OTUD4: variants seen among roughly 807,000 people sequenced by gnomAD.
OTUD4 encodes OTU deubiquitinase 4.
Under a neutral mutation model 130.4 loss-of-function variants are expected in OTUD4, and 24 were observed. The observed-to-expected ratio is 0.18, with a 90% CI of 0.13 to 0.26. The LOEUF is 0.26. OTUD4 is among the 10% of genes least tolerant of loss of function. The pLI is 1.00. For synonymous variants in OTUD4, 420 were observed against 472.5 expected (o/e 0.89, Z 1.44); for missense variants, 1,031 against 1,329.4 (o/e 0.78, Z 3.49).
Position 145,171,762 on chromosome 4 carries a change from T to C in OTUD4, c.244-42A>G, listed in dbSNP as rs535165676. On this transcript the variant is annotated intron_variant, in intron 2 of 20. Transcript: ENST00000447906. ...TATTAGAAATGTCATCTAACATATA[T>C]GCCAAAACAGTTAACCGCTTCGCTG... The C allele has an allele frequency of 1.0e-5, 9 of 892,946 alleles. No individual in the cohort carries two copies. In the Admixed American group the frequency reaches 1.1e-4, roughly 11 times the overall value. 55.3% of individuals were successfully genotyped at this position (892,946 alleles called of 1,614,324 possible). A position where few individuals can be genotyped will look rare whatever the true frequency, so the allele number is the denominator to read the frequency against.
intron 7 of OTUD4, 24 bp downstream of exon 7, chr4:145,159,479 G>C: frequency 6.2e-7 from 1 of 1,612,326 alleles, no homozygotes; most frequent in South Asian, 1.1e-5. Flanking sequence ...CACTAAGAAA[G>C]GTATTTTAGG....
chr4:145,167,508 AAC>A (rs1163538491), intron 3 of OTUD4, among the ~76,000 whole-genome samples: 1 of 152,244 alleles, frequency 6.6e-6, no homozygotes, highest in Non-Finnish European at 1.5e-5. Flanking sequence ...GTTTAGATCA[AAC>A]ACACGAGCTA....
At position 145,146,418 on chromosome 4, in the gene OTUD4, C is replaced by G; in HGVS notation, c.1271G>C (p.Arg424Pro). ...TPSQIIRKPD[R>P]ERVEDFDHTS... The stretch of plus-strand genomic sequence containing the variant: ...GTGATCAAAATCCTCAACTCTTTCA[C>G]GATCAGGTTTTCTGTCAAATAAAAC... Residue 424 changes from arginine (R) to proline (P), a missense_variant, in exon 14 of 21, where the codon CGT (arginine) becomes CCT (proline). Physicochemically the swap from Arg to Pro is moderately radical, Grantham distance 103 (BLOSUM62 -2). Around this residue, in one of 3 missense-constraint regions of OTUD4, gnomAD observed 900 missense variants for 1,095.9 expected, o/e 0.82. Coordinates refer to ENST00000447906, the MANE Select transcript of OTUD4 (RefSeq NM_001366057.1). 1.3e-6 allele frequency: 2 copies of G among 1,546,232 alleles called. No homozygotes were observed. The highest frequency in any genetic ancestry group is 1.7e-6 in the Non-Finnish European group (2 of 1,151,122).
At chr4:145,159,298 C>G (rs1751439569) in intron 7 of OTUD4, 3 of 1,369,888 alleles carry the variant, frequency 2.2e-6, no homozygotes, top group Non-Finnish European at 2.8e-6. Flanking sequence ...ACCAAAAACA[C>G]CAACTTTCAA....
chr4:145,168,497 T>C (rs984797933), intron 3 of OTUD4, among the ~76,000 whole-genome samples: 2 of 149,702 alleles, frequency 1.3e-5, no homozygotes, highest in African/African-American at 2.5e-5. Flanking sequence ...ACAGGACTTA[T>C]ATCCAGTATA....
intron 13 of OTUD4, 105 bp downstream of exon 13, chr4:145,150,408 T>C (rs1161301160): frequency 1.4e-6 from 1 of 714,818 alleles, no homozygotes; most frequent in Non-Finnish European, 2.4e-6. Flanking sequence ...ATAGGGACAA[T>C]GATATGAGTA....
intron 16 of OTUD4, 54 bp downstream of exon 16, chr4:145,143,892 A>T: frequency 8.1e-7 from 1 of 1,241,166 alleles, no homozygotes; most frequent in Non-Finnish European, 1.2e-6. Context: ...TTCCTACTGT[A>T]CTACACAGTA....
At chr4:145,152,728 T>C (rs936388977) in intron 10 of OTUD4, 93 bp from the exon 11 acceptor site, 14 of 710,838 alleles carry the variant, frequency 2.0e-5, no homozygotes, top group Admixed American at 1.1e-4. Flanking sequence ...CTTTTTTTTT[T>C]TTTCTTGAGA....
At chr4:145,157,143 A>G (rs954407828) in intron 7 of OTUD4, among the ~76,000 whole-genome samples, 6 of 152,244 alleles carry the variant, frequency 3.9e-5, no homozygotes, top group African/African-American at 1.4e-4. Context: ...ATCTGGTGAC[A>G]ACAGATAAAA....
intron 6 of OTUD4, among the ~76,000 whole-genome samples, chr4:145,161,141 C>CAACAACAACAAA (rs1554000128): frequency 5.3e-5 from 8 of 152,072 alleles, no homozygotes; most frequent in African/African-American, 1.7e-4. Context: ...ACAACAACAA[C>CAACAACAACAAA]AAACACTGGG....
chr4:145,158,314 CT>C (rs557676641), intron 7 of OTUD4, among the ~76,000 whole-genome samples: 402 of 152,210 alleles, frequency 2.6e-3, no homozygotes, highest in Non-Finnish European at 5.1e-3. Flanking sequence ...AACCCCATCT[CT>C]ACTAAAAGTA....
chr4:145,140,195 G>C (rs1750494406), intron 19 of OTUD4, among the ~76,000 whole-genome samples: 1 of 152,062 alleles, frequency 6.6e-6, no homozygotes, highest in Non-Finnish European at 1.5e-5. Flanking sequence ...GATTCAATAG[G>C]CTTTGTCTGT....
At chr4:145,178,675 T>G (rs1025184404) in intron 1 of OTUD4, 3 of 152,242 alleles carry the variant, frequency 2.0e-5, no homozygotes, top group African/African-American at 4.8e-5. Context: ...GTTAAATCAA[T>G]TTCTTGTTTT....
intron 11 of OTUD4, among the ~76,000 whole-genome samples, chr4:145,151,532 G>A (rs1315361045): frequency 1.3e-5 from 2 of 152,128 alleles, no homozygotes; most frequent in Non-Finnish European, 2.9e-5. Flanking sequence ...CTACTGGGGA[G>A]GCTGAGGCAG....
chr4:145,175,318 C>CA (rs11382941), intron 1 of OTUD4, among the ~76,000 whole-genome samples: 69,674 of 151,898 alleles, frequency 0.46, 16,172 homozygotes, highest in Middle Eastern at 0.5. Flanking sequence ...AAAGAACATC[C>CA]AAGTAGGCAG....
chr4:145,145,648 G>A (rs2126750369), intron 14 of OTUD4, among the ~76,000 whole-genome samples: 1 of 152,300 alleles, frequency 6.6e-6, no homozygotes, highest in South Asian at 2.1e-4. Flanking sequence ...TCCCAGACAT[G>A]AGAATGAATT....
chr4:145,145,968 A>G (rs1160014319), intron 14 of OTUD4: 10 of 183,502 alleles, frequency 5.4e-5, no homozygotes, highest in Non-Finnish European at 1.1e-4. Flanking sequence ...TCTACTACAC[A>G]GTACTTTTGC....
chr4:145,162,501 G>T (rs1751627404), intron 6 of OTUD4, 139 bp downstream of exon 6: 2 of 462,758 alleles, frequency 4.3e-6, no homozygotes, highest in Non-Finnish European at 7.8e-6. Flanking sequence ...GCAGTGAGCG[G>T]AGATCACGCC....
At position 145,137,496 on chromosome 4, in the gene OTUD4, C is replaced by T; in HGVS notation, c.3279G>A (p.Gly1093=). 9 of 1,611,918 alleles carry T rather than the reference C, an allele frequency of 5.6e-6. No individual in the cohort carries two copies. The highest frequency in any genetic ancestry group is 6.8e-6 in the Non-Finnish European group (8 of 1,178,430). The stretch of plus-strand genomic sequence containing the variant: ...TCCTCCTATCTCCCCTAAATGGTCG[C>T]CCTCTGACATTTCGATGGTACTGAT... ...EGYQYHRNVR[G]RPFRGDRRRS... Residue 1093 remains glycine, a synonymous_variant, in exon 21 of 21, where the codon GGG becomes GGA. Coordinates refer to ENST00000447906, the MANE Select transcript of OTUD4 (RefSeq NM_001366057.1).
Sources: gnomAD v4.1 joint callset for allele counts (sites outside exome capture counted in the v4.1 genomes callset) on GRCh38, gnomAD v4.1.1 for gene constraint, gnomAD v4.1.1 regional missense constraint, MANE v1.5 for transcripts, NCBI Gene and HGNC (gene_info 2026-07-23, HGNC 2026-07-21) for gene names.